The following RBFOX3 variants were observed in gnomAD, a reference collection of about 807,000 sequenced individuals.
RBFOX3 encodes RNA binding protein fox-1 homolog 3.
A neutral mutation model predicts 48.7 loss-of-function variants in RBFOX3; 17 were observed. The observed-to-expected ratio is 0.35, with a 90% confidence interval of 0.24 to 0.52. The LOEUF (loss-of-function observed/expected upper bound fraction) is 0.52. Among genes scored for constraint, RBFOX3 ranks in the 20% least tolerant of loss-of-function variants. RBFOX3 has a pLI of 0.94. For missense variants in RBFOX3, 382 were observed against 497.5 expected, an observed-to-expected ratio of 0.77 and a Z score of 2.21; for synonymous variants, 212 against 209.5, an observed-to-expected ratio of 1.01 and a Z score of -0.10.
intron 3 of RBFOX3, among the ~76,000 whole-genome samples, chr17:79,280,434 T>C (rs11651204): frequency 0.25 from 38,665 of 152,068 alleles, 5,473 homozygotes; most frequent in East Asian, 0.59. Context: ...ACACACACGC[T>C]GGAATGTGAG....
At chr17:79,332,867 A>T (rs1026770303) in intron 2 of RBFOX3, among the ~76,000 whole-genome samples, 33 of 151,778 alleles carry the variant, frequency 2.2e-4, no homozygotes, top group African/African-American at 7.5e-4. Context: ...AGAGAGAGAC[A>T]GAAAAACAGA....
intron 3 of RBFOX3, among the ~76,000 whole-genome samples, chr17:79,248,107 C>T (rs997966493): frequency 6.6e-5 from 10 of 152,300 alleles, no homozygotes; most frequent in South Asian, 2.1e-4. Flanking sequence ...CCAAACAGGG[C>T]GAAGGGGCGG....
intron 4 of RBFOX3, chr17:79,136,395 C>T (rs1329059103): frequency 1.3e-5 from 2 of 152,320 alleles, no homozygotes; most frequent in Non-Finnish European, 2.9e-5. Flanking sequence ...TAAGCACGCT[C>T]GTGCAGACCG....
In RBFOX3 at chr17:79,090,792, T is replaced by G; in HGVS notation, c.*91A>C. 2 of 1,415,320 alleles carry G rather than the reference T, an allele frequency of 1.4e-6. No individual in the cohort carries two copies. The highest frequency in any genetic ancestry group is 1.9e-6 in the Non-Finnish European group (2 of 1,051,964). 87.7% of individuals were successfully genotyped at this position (1,415,320 alleles called of 1,614,324 possible). A position where few individuals can be genotyped will look rare whatever the true frequency, so the allele number is the denominator to read the frequency against. On this transcript the variant is annotated 3_prime_UTR_variant, in exon 15 of 15. Coordinates refer to ENST00000693108, the MANE Select transcript of RBFOX3 (RefSeq NM_001350451.2). ...TGGTTTTTTTTTTGTTGCTTGGATC[T>G]TAACATCTTTTTTTGTTTTTTTTGT...
chr17:79,367,033 C>T (rs994766663), intron 2 of RBFOX3, among the ~76,000 whole-genome samples: 5 of 152,182 alleles, frequency 3.3e-5, no homozygotes, highest in Non-Finnish European at 5.9e-5. Context: ...ACGCAGAGGT[C>T]TGCTGCACCG....
At position 79,252,720 on chromosome 17, in the gene RBFOX3, C is replaced by T. The variant is rs1032480403; in HGVS notation, c.-73-16915G>A. On this transcript the variant is annotated intron_variant, in intron 3 of 14. Coordinates refer to ENST00000693108, the MANE Select transcript of RBFOX3 (RefSeq NM_001350451.2). This position sits in a 1 kb window ranked among gnomAD's most constrained non-coding sequence, Gnocchi z 4.0. ...TCTTGGAAAGTTCTCAGCGTCACAT[C>T]GCTCTGGCTGTGTTGACCACTCCCA... Among the ~76,000 whole-genome samples the T allele has an allele frequency of 2.0e-5, 3 of 152,216 alleles. No homozygotes were observed. The highest frequency in any genetic ancestry group is 7.2e-5 in the African/African-American group (3 of 41,460).
rs2045245552 is a variant in RBFOX3 at position 79,154,173 on chromosome 17, T to C, written c.-33-38425A>G. 4.1e-5 allele frequency among the ~76,000 whole-genome samples: 6 copies of C among 145,740 alleles called. No homozygotes were observed. In the South Asian group the frequency reaches 1.4e-3, roughly 35 times the overall value. On this transcript the variant is annotated intron_variant, in intron 4 of 14. Transcript: ENST00000693108. ...GGCTGGCTCCAGCCACCAGAGTCTG[T>C]GTTCAGTTCTTCGAACACGCTAAGC...
chr17:79,658,024 G>A, the RBFOX3 span, among the ~76,000 whole-genome samples: 1 of 152,084 alleles, frequency 6.6e-6, no homozygotes, highest in African/African-American at 2.4e-5. Context: ...AGAACAGTCT[G>A]TTCTTCTGTA....
chr17:79,184,822 C>T (rs1030655245), intron 4 of RBFOX3, among the ~76,000 whole-genome samples: 2 of 151,884 alleles, frequency 1.3e-5, no homozygotes, highest in Non-Finnish European at 2.9e-5. Flanking sequence ...GCTGGCCCGG[C>T]AGTCATGTCG....
chr17:79,219,866 A>G (rs970664863), intron 4 of RBFOX3, among the ~76,000 whole-genome samples: 1 of 151,962 alleles, frequency 6.6e-6, no homozygotes, highest in Non-Finnish European at 1.5e-5. Flanking sequence ...CCTGGGAGCC[A>G]TCTGAAGTTT....
chr17:79,578,375 G>A (rs2092931608), intron 1 of RBFOX3, among the ~76,000 whole-genome samples: 1 of 152,260 alleles, frequency 6.6e-6, no homozygotes. Flanking sequence ...CCGAGGCAGG[G>A]TGCCCACTGC....
In RBFOX3 at chr17:79,479,098, G is replaced by A. The variant is rs2078399849; in HGVS notation, c.-175+3356C>T. Among the ~76,000 whole-genome samples, 2 of 152,220 alleles carry A rather than the reference G, an allele frequency of 1.3e-5. No individual in the cohort carries two copies. The highest frequency in any genetic ancestry group is 2.9e-5 in the Non-Finnish European group (2 of 68,036). On this transcript the variant is annotated intron_variant, in intron 2 of 14. Transcript: ENST00000693108. This position sits in a 1 kb window ranked among gnomAD's most constrained non-coding sequence, Gnocchi z 5.1. ...CCGCCTCACTGGGGCAAAAGCTCCT[G>A]CAGGCTTTTCCCTGCCCGGGTTTCT...
At chr17:79,400,168 G>C (rs1279875174) in intron 2 of RBFOX3, among the ~76,000 whole-genome samples, 4 of 152,028 alleles carry the variant, frequency 2.6e-5, no homozygotes, top group African/African-American at 9.7e-5. Flanking sequence ...ACTCCAGAGG[G>C]GAGCCACAAA....
intron 1 of RBFOX3, among the ~76,000 whole-genome samples, chr17:79,610,150 C>T (rs1277263398): frequency 6.6e-6 from 1 of 152,028 alleles, no homozygotes; most frequent in Non-Finnish European, 1.5e-5. Context: ...GCGCACACCG[C>T]GGTGCTGCGG....
Position 79,103,265 on chromosome 17 carries a change from A to G in RBFOX3, c.415-11T>C. On this transcript the variant is annotated splice_polypyrimidine_tract_variant and intron_variant, in intron 7 of 14. Coordinates refer to ENST00000693108, the MANE Select transcript of RBFOX3 (RefSeq NM_001350451.2). The surrounding 1 kb of genome is among the most constrained non-coding windows in gnomAD (Gnocchi z 6.1). ...TACAAACCCAAAACCCTGTGAGCAGAGGAGAGGGAAGGACAGGCACGGAGA... is the reference window on the plus strand; with the variant it reads ...TACAAACCCAAAACCCTGTGAGCAGGGGAGAGGGAAGGACAGGCACGGAGA... 6.5e-7 allele frequency: 1 copy of G among 1,538,220 alleles called. No homozygotes were observed. The highest frequency in any genetic ancestry group is 8.8e-7 in the Non-Finnish European group (1 of 1,135,954).
chr17:79,326,149 T>C (rs749167068), intron 2 of RBFOX3, among the ~76,000 whole-genome samples: 7 of 151,912 alleles, frequency 4.6e-5, no homozygotes, highest in Non-Finnish European at 8.8e-5. Context: ...TCTGTGGCAT[T>C]GGGGGTAAGG....
chr17:79,614,067 G>A (rs2145594918), upstream of RBFOX3, among the ~76,000 whole-genome samples: 1 of 152,372 alleles, frequency 6.6e-6, no homozygotes, highest in East Asian at 1.9e-4. Flanking sequence ...GCAGCGGGGA[G>A]GCACAGGAGA....
chr17:79,484,148 C>T (rs2079174097), intron 1 of RBFOX3, among the ~76,000 whole-genome samples: 1 of 152,186 alleles, frequency 6.6e-6, no homozygotes, highest in Non-Finnish European at 1.5e-5. Flanking sequence ...ACCACTGGCA[C>T]CACCCAGAAA....
At chr17:79,496,272 G>A (rs2081525327) in intron 1 of RBFOX3, among the ~76,000 whole-genome samples, 1 of 152,018 alleles carries the variant, frequency 6.6e-6, no homozygotes, top group Non-Finnish European at 1.5e-5. Context: ...ACAGCAACAG[G>A]AATGACCAGC....
Sources: allele counts gnomAD v4.1 joint callset (sites outside exome capture counted in the v4.1 genomes callset), GRCh38; gene constraint gnomAD v4.1.1; non-coding constraint Gnocchi (gnomAD v3.1); transcripts MANE v1.5; gene names NCBI Gene and HGNC (gene_info 2026-07-23, HGNC 2026-07-21).